Variants in ANKFN1 observed in about 807,000 individuals in gnomAD.
ANKFN1 encodes ankyrin repeat and fibronectin type-III domain-containing protein 1.
In ANKFN1, 74 loss-of-function variants were observed where a neutral mutation model predicts 108.7. The observed-to-expected ratio is 0.68, with a 90% CI of 0.56 to 0.83. The LOEUF (loss-of-function observed/expected upper bound fraction) is 0.83. ANKFN1 is among the 40% of genes least tolerant of loss of function. ANKFN1 has a pLI of 0.00. For synonymous variants in ANKFN1, 547 were observed against 516.2 expected (o/e 1.06, Z -0.81); for missense variants, 1,505 against 1,382.3 (o/e 1.09, Z -1.41).
At chr17:56,500,399 C>G (rs75103843) in intron 20 of ANKFN1, among the ~76,000 whole-genome samples, 3 of 56,198 alleles carry the variant, frequency 5.3e-5, no homozygotes, top group Non-Finnish European at 7.7e-5. Flanking sequence ...TACCAAATAA[C>G]AAAATATTTA....
intron 4 of ANKFN1, among the ~76,000 whole-genome samples, chr17:56,125,408 A>T (rs1292253067): frequency 6.6e-6 from 1 of 152,218 alleles, no homozygotes; most frequent in African/African-American, 2.4e-5. Context: ...AATAAAAAGG[A>T]ACCTGGGAAA....
chr17:56,442,536 A>G (rs2049141011), intron 9 of ANKFN1, among the ~76,000 whole-genome samples: 1 of 152,204 alleles, frequency 6.6e-6, no homozygotes. Flanking sequence ...TTAAAAATTT[A>G]TATATAGTTT....
intron 4 of ANKFN1, among the ~76,000 whole-genome samples, chr17:56,125,045 T>C (rs1906841071): frequency 6.6e-6 from 1 of 152,226 alleles, no homozygotes; most frequent in African/African-American, 2.4e-5. Flanking sequence ...GCATAAAACC[T>C]GAGGAATCTA....
chr17:56,238,952 G>A (rs575121865), intron 3 of ANKFN1, among the ~76,000 whole-genome samples: 11 of 152,020 alleles, frequency 7.2e-5, no homozygotes, highest in Non-Finnish European at 1.3e-4. Flanking sequence ...TTTTTCTCAA[G>A]TTACAATTTT....
intron 6 of ANKFN1, among the ~76,000 whole-genome samples, chr17:56,359,729 G>A (rs2046465393): frequency 6.6e-6 from 1 of 152,168 alleles, no homozygotes; most frequent in Non-Finnish European, 1.5e-5. Context: ...TTTGTGCTGG[G>A]ACTGGTCAGG....
Position 56,449,074 on chromosome 17 carries a change from A to G in ANKFN1, c.1100-5A>G. 6.2e-7 allele frequency: 1 copy of G among 1,611,120 alleles called. No homozygotes were observed. Among genetic ancestry groups the G allele is most frequent in the Non-Finnish European group, 8.5e-7 (1 of 1,177,642 alleles). On this transcript the variant is annotated splice_region_variant and splice_polypyrimidine_tract_variant and intron_variant, in intron 10 of 20. Coordinates refer to ENST00000682825, the MANE Select transcript of ANKFN1 (RefSeq NM_001370326.1). ...TTCACTATGTTTATTTCTTTTGTTC[A>G]ATAGACTGGAAAGACTATGACGACA... is the stretch of plus-strand genomic sequence containing the variant.
intron 4 of ANKFN1, among the ~76,000 whole-genome samples, chr17:56,124,587 G>A (rs370833674): frequency 6.6e-6 from 1 of 152,242 alleles, no homozygotes; most frequent in East Asian, 1.9e-4. Flanking sequence ...CTCTTGTTCA[G>A]GACCCCAGTC....
intron 1 of ANKFN1, among the ~76,000 whole-genome samples, chr17:56,170,644 T>G (rs1251498587): frequency 1.3e-5 from 2 of 150,808 alleles, no homozygotes; most frequent in African/African-American, 2.4e-5. Flanking sequence ...GTGCCCATAG[T>G]CTCAGCCACT....
At chr17:56,211,715 T>C (rs1003511080) in intron 1 of ANKFN1, among the ~76,000 whole-genome samples, 8 of 152,246 alleles carry the variant, frequency 5.3e-5, no homozygotes, top group Non-Finnish European at 1.2e-4. Context: ...ATTTTCACAA[T>C]ATTGATTCTA....
chr17:56,486,773 A>G (rs917389551), intron 18 of ANKFN1, among the ~76,000 whole-genome samples: 1 of 152,240 alleles, frequency 6.6e-6, no homozygotes, highest in Non-Finnish European at 1.5e-5. Context: ...ACCACATGGG[A>G]ATTCTAATGA....
At chr17:56,389,226 TA>T (rs1316236138) in intron 8 of ANKFN1, among the ~76,000 whole-genome samples, 2 of 152,122 alleles carry the variant, frequency 1.3e-5, no homozygotes, top group Non-Finnish European at 2.9e-5. Context: ...ACTCAGCAAC[TA>T]AAAAACCAAA....
chr17:56,204,447 TCTC>T (rs1914341947), intron 1 of ANKFN1, among the ~76,000 whole-genome samples: 2 of 147,766 alleles, frequency 1.4e-5, no homozygotes, highest in African/African-American at 2.5e-5. Context: ...TTCAAGTAAT[TCTC>T]CTGTCTCAGC....
chr17:56,478,123 G>A (rs984755191), intron 16 of ANKFN1, among the ~76,000 whole-genome samples: 5 of 152,082 alleles, frequency 3.3e-5, no homozygotes, highest in South Asian at 2.1e-4. Flanking sequence ...CACCGTGCCC[G>A]GCCAGAGTTT....
rs188614290 is a variant in ANKFN1 at position 56,230,342 on chromosome 17, T to G, written c.53+2385T>G. Among the ~76,000 whole-genome samples the G allele has an allele frequency of 4.4e-3, 674 of 152,254 alleles. 23 individuals are homozygous for G. The highest frequency in any genetic ancestry group is 0.037 in the Admixed American group (566 of 15,276). Reference sequence around the variant, plus strand: ...CTTAACCCTTCGGTTTCAAAGTATCTTTTTGGGGAAGGAGAGAGGAAGGAA... The same window carrying G: ...CTTAACCCTTCGGTTTCAAAGTATCGTTTTGGGGAAGGAGAGAGGAAGGAA... On this transcript the variant is annotated intron_variant, in intron 3 of 20. Transcript: ENST00000682825.
At chr17:56,054,354 T>C (rs555151843) in intron 4 of ANKFN1, among the ~76,000 whole-genome samples, 1 of 152,312 alleles carries the variant, frequency 6.6e-6, no homozygotes, top group South Asian at 2.1e-4. Flanking sequence ...AGAAACTCAC[T>C]CAGGTTTTGA....
chr17:56,118,034 G>T (rs1403953785), intron 4 of ANKFN1, among the ~76,000 whole-genome samples: 3 of 151,962 alleles, frequency 2.0e-5, no homozygotes, highest in Non-Finnish European at 4.4e-5. Context: ...TGTTTTCAGG[G>T]TTCATTTACA....
chr17:56,178,247 T>A (rs189695072), intron 1 of ANKFN1, among the ~76,000 whole-genome samples: 100 of 152,358 alleles, frequency 6.6e-4, no homozygotes, highest in African/African-American at 2.4e-3. Flanking sequence ...ATGTATCGTA[T>A]GACTTGAGGG....
intron 4 of ANKFN1, among the ~76,000 whole-genome samples, chr17:56,047,506 G>A (rs1371498049): frequency 2.0e-5 from 3 of 152,126 alleles, no homozygotes; most frequent in African/African-American, 7.2e-5. Flanking sequence ...ATGCTTGGGT[G>A]CACAACTGAA....
intron 3 of ANKFN1, among the ~76,000 whole-genome samples, chr17:56,310,222 C>T (rs1034620419): frequency 2.0e-5 from 3 of 152,182 alleles, no homozygotes; most frequent in East Asian, 1.9e-4. Flanking sequence ...TTGTTTATTT[C>T]TGGAATTTAC....
Sources: allele counts gnomAD v4.1 joint callset (sites outside exome capture counted in the v4.1 genomes callset), GRCh38; gene constraint gnomAD v4.1.1; transcripts MANE v1.5; gene names NCBI Gene and HGNC (gene_info 2026-07-23, HGNC 2026-07-21).